Variants in SERPINE3 observed in about 807,000 individuals in gnomAD.
The protein encoded by SERPINE3 is serpin family E member 3.
In SERPINE3, 43 loss-of-function variants were observed where a neutral mutation model predicts 41.7. The ratio of observed to expected loss-of-function variants is 1.03; its 90% CI spans 0.81 to 1.33. The LOEUF is 1.33. SERPINE3 is among the 40% of genes most tolerant of loss of function. The pLI, the probability that SERPINE3 is intolerant of heterozygous loss-of-function variation, is 0.00. For synonymous variants in SERPINE3, 200 were observed against 192.2 expected (o/e 1.04, Z -0.34); for missense variants, 440 against 491.7 (o/e 0.89, Z 0.99).
chr13:51,355,817 A>AAACTATTGCC (rs1955472585), intron 7 of SERPINE3, among the ~76,000 whole-genome samples: 1 of 152,208 alleles, frequency 6.6e-6, no homozygotes, highest in African/African-American at 2.4e-5. Context: ...ACCATTGGCT[A>AAACTATTGCC]AACTATTGCC....
intron 8 of SERPINE3, 94 bp from the exon 9 acceptor site, chr13:51,361,716 T>A: frequency 8.7e-7 from 1 of 1,153,466 alleles, no homozygotes; most frequent in East Asian, 2.5e-5. Context: ...TAGGATGCTT[T>A]GATTTCTTAA....
rs1473217155 is a variant in SERPINE3, at chr13:51,362,021, C to A, written c.1171+128C>A. On this transcript the variant is annotated intron_variant, in intron 9 of 9. Coordinates refer to ENST00000681248, the MANE Select transcript of SERPINE3 (RefSeq NM_001386375.1). ...AGCTGTTTTTATGGTGCTTCAGAAGCTACCCAGTTGCTATCTTCTATCCTA... is the reference window on the plus strand; with the variant it reads ...AGCTGTTTTTATGGTGCTTCAGAAGATACCCAGTTGCTATCTTCTATCCTA... 3.1e-6 allele frequency: 5 copies of A among 1,604,582 alleles called. No individual in the cohort carries two copies. In the Admixed American group the frequency reaches 8.6e-5, roughly 28 times the overall value.
chr13:51,340,417 C>T (rs563693006), intron 1 of SERPINE3, among the ~76,000 whole-genome samples: 31 of 152,202 alleles, frequency 2.0e-4, no homozygotes, highest in African/African-American at 4.1e-4. Flanking sequence ...TTCTGATATT[C>T]GAGGTACAAT....
intron 9 of SERPINE3, chr13:51,363,369 C>CAACA (rs1955620907): frequency 6.6e-6 from 1 of 151,922 alleles, no homozygotes; most frequent in Non-Finnish European, 1.5e-5. Context: ...CTACATCACA[C>CAACA]AACACAGTGG....
intron 7 of SERPINE3, among the ~76,000 whole-genome samples, chr13:51,359,511 A>C (rs1444087202): frequency 1.3e-5 from 2 of 152,128 alleles, no homozygotes; most frequent in African/African-American, 4.8e-5. Context: ...AAACTGTTTA[A>C]ATGAAACTCT....
intron 5 of SERPINE3, 131 bp downstream of exon 5, chr13:51,347,365 C>A: frequency 1.3e-6 from 1 of 761,082 alleles, no homozygotes; most frequent in Non-Finnish European, 2.2e-6. Flanking sequence ...CTGGACTGGG[C>A]ATGCATGGCG....
At chr13:51,350,455 G>A (rs1199422151) in intron 6 of SERPINE3, among the ~76,000 whole-genome samples, 1 of 152,012 alleles carries the variant, frequency 6.6e-6, no homozygotes, top group East Asian at 1.9e-4. Context: ...TAAAACATTT[G>A]ATTATTAGGT....
intron 2 of SERPINE3, 48 bp downstream of exon 2, chr13:51,340,909 G>A: frequency 1.6e-6 from 1 of 631,424 alleles, no homozygotes; most frequent in East Asian, 2.7e-5. Flanking sequence ...CTGCAGCCCA[G>A]ACGGCTGGGC....
At chr13:51,348,848 G>GTC (rs1439076333) in intron 6 of SERPINE3, among the ~76,000 whole-genome samples, 3 of 150,506 alleles carry the variant, frequency 2.0e-5, no homozygotes, top group Admixed American at 6.6e-5. Context: ...ACGTAATTGA[G>GTC]CAAGTACAGA....
rs1157311826 is a variant in SERPINE3, at chr13:51,354,946, C to A, written c.900-97C>A. 1.7e-5 allele frequency: 11 copies of A among 659,292 alleles called. No homozygotes were observed. In the East Asian group the frequency reaches 2.8e-4, roughly 16 times the overall value. 40.8% of individuals were successfully genotyped at this position (659,292 alleles called of 1,614,324 possible). ...TGGAAATAAATCTGGTGGAGCCAGC[C>A]TGACTTCCAAGTTAGGGATTTTGGA... On this transcript the variant is annotated intron_variant, in intron 6 of 9. Coordinates refer to ENST00000681248, the MANE Select transcript of SERPINE3 (RefSeq NM_001386375.1).
At chr13:51,346,885 G>A in intron 4 of SERPINE3, 140 bp from the exon 5 acceptor site, 1 of 633,612 alleles carries the variant, frequency 1.6e-6, no homozygotes, top group Non-Finnish European at 2.8e-6. Flanking sequence ...GATATTGTAA[G>A]ATGAAGAGAG....
intron 1 of SERPINE3, among the ~76,000 whole-genome samples, chr13:51,340,495 C>T (rs1043593156): frequency 1.3e-5 from 2 of 152,036 alleles, no homozygotes; most frequent in Non-Finnish European, 2.9e-5. Flanking sequence ...TCATAGAAGA[C>T]CAGGATTTGA....
At chr13:51,341,019 C>T (rs1169188320) in intron 2 of SERPINE3, 56 bp from the exon 3 acceptor site, 3 of 1,546,556 alleles carry the variant, frequency 1.9e-6, no homozygotes, top group Non-Finnish European at 2.6e-6. Context: ...TGGGACATGG[C>T]CCTCTTTCAT....
chr13:51,359,672 C>G (rs1955532376), intron 7 of SERPINE3, among the ~76,000 whole-genome samples: 1 of 152,068 alleles, frequency 6.6e-6, no homozygotes, highest in African/African-American at 2.4e-5. Context: ...CATAGTGAAT[C>G]TCTGCTTATT....
At chr13:51,348,760 G>A (rs1357618929) in intron 6 of SERPINE3, 1 of 247,874 alleles carries the variant, frequency 4.0e-6, no homozygotes, top group Admixed American at 5.1e-5. Context: ...TTCCCTTGTA[G>A]GAACGTTGCC....
At chr13:51,352,625 A>T (rs1305568705) in intron 6 of SERPINE3, among the ~76,000 whole-genome samples, 1 of 152,034 alleles carries the variant, frequency 6.6e-6, no homozygotes, top group East Asian at 1.9e-4. Context: ...GTACCATGTG[A>T]AATAGAAGGG....
chr13:51,361,247 A>C, intron 7 of SERPINE3, 31 bp from the exon 8 acceptor site: 1 of 1,398,054 alleles, frequency 7.2e-7, no homozygotes, highest in Non-Finnish European at 1.0e-6. Flanking sequence ...GTTAATGAGC[A>C]ACTCACATTT....
At chr13:51,360,216 G>A (rs990271439) in intron 7 of SERPINE3, among the ~76,000 whole-genome samples, 2 of 152,008 alleles carry the variant, frequency 1.3e-5, no homozygotes, top group Non-Finnish European at 2.9e-5. Flanking sequence ...CACACAATAT[G>A]TGTTCATCAA....
At chr13:51,353,852 G>C (rs1404518174) in intron 6 of SERPINE3, among the ~76,000 whole-genome samples, 6 of 152,020 alleles carry the variant, frequency 3.9e-5, no homozygotes, top group African/African-American at 9.7e-5. Flanking sequence ...TATAGAAAAA[G>C]ACCATCTAAT....
Sources: gnomAD v4.1 joint callset for allele counts (sites outside exome capture counted in the v4.1 genomes callset) on GRCh38, gnomAD v4.1.1 for gene constraint, MANE v1.5 for transcripts, NCBI Gene and HGNC (gene_info 2026-07-23, HGNC 2026-07-21) for gene names.